Variants in MCC observed in about 807,000 individuals in gnomAD.
MCC encodes MCC regulator of Wnt signaling pathway.
Under a neutral mutation model 116.2 loss-of-function variants are expected in MCC, and 90 were observed. The observed-to-expected ratio is 0.77, with a 90% CI of 0.65 to 0.92. MCC has a LOEUF of 0.92. Ranked by LOEUF, MCC falls within the 40% of genes least tolerant of loss-of-function variation. The pLI, the probability that MCC is intolerant of heterozygous loss-of-function variation, is 0.00. For missense variants in MCC, 1,516 were observed against 1,312.2 expected, an observed-to-expected ratio of 1.16 and a Z score of -2.40; for synonymous variants, 578 against 510.5, an observed-to-expected ratio of 1.13 and a Z score of -1.78.
chr5:113,355,663 T>C (rs1768393096), intron 2 of MCC, among the ~76,000 whole-genome samples: 1 of 152,104 alleles, frequency 6.6e-6, no homozygotes, highest in Admixed American at 6.6e-5. Flanking sequence ...AGCAGCTACC[T>C]CTTGCTGTGT....
chr5:113,310,956 T>A (rs1250280977), intron 3 of MCC, among the ~76,000 whole-genome samples: 1 of 152,200 alleles, frequency 6.6e-6, no homozygotes, highest in African/African-American at 2.4e-5. Context: ...ACTAGAGATA[T>A]AATAGCAATT....
intron 1 of MCC, among the ~76,000 whole-genome samples, chr5:113,414,631 C>T (rs943844017): frequency 3.9e-5 from 6 of 152,104 alleles, no homozygotes; most frequent in African/African-American, 1.2e-4. Context: ...GATCTTCCTC[C>T]ATCCCTTTAT....
In MCC at chr5:113,068,198, A is replaced by G. The variant is rs760046723; in HGVS notation, c.1926-15T>C. On this transcript the variant is annotated splice_polypyrimidine_tract_variant and intron_variant, in intron 12 of 18. Coordinates refer to ENST00000408903, the MANE Select transcript of MCC (RefSeq NM_001085377.2). Reference sequence around the variant, plus strand: ...TGCACTGCTCGCTGAAACAAAGCACATGGGGCCTCAGCCCTTGCAGAGAAC... The same window carrying G: ...TGCACTGCTCGCTGAAACAAAGCACGTGGGGCCTCAGCCCTTGCAGAGAAC... The G allele has an allele frequency of 3.1e-6, 5 of 1,602,178 alleles. No homozygotes were observed. The highest frequency in any genetic ancestry group is 1.7e-5 in the Admixed American group (1 of 59,942).
chr5:113,422,483 G>A (rs1320192713), intron 1 of MCC, among the ~76,000 whole-genome samples: 2 of 152,180 alleles, frequency 1.3e-5, no homozygotes, highest in Non-Finnish European at 2.9e-5. Flanking sequence ...CAATGGTTAT[G>A]TTTAATAATG....
At chr5:113,302,368 T>G (rs1165817986) in intron 3 of MCC, among the ~76,000 whole-genome samples, 1 of 152,156 alleles carries the variant, frequency 6.6e-6, no homozygotes, top group Non-Finnish European at 1.5e-5. Context: ...AGAAAAACTC[T>G]GCATATTAAA....
chr5:113,341,839 T>TA (rs397798473), intron 2 of MCC, among the ~76,000 whole-genome samples: 1 of 151,948 alleles, frequency 6.6e-6, no homozygotes, highest in African/African-American at 2.4e-5. Context: ...AACTTTTTTT[T>TA]ACATGTTTTT....
intron 8 of MCC, among the ~76,000 whole-genome samples, chr5:113,100,739 C>T (rs56061109): frequency 0.066 from 10,069 of 152,046 alleles, 553 homozygotes; most frequent in African/African-American, 0.15. Flanking sequence ...CCAAAGTGCT[C>T]GGATTACAGG....
intron 3 of MCC, among the ~76,000 whole-genome samples, chr5:113,286,100 A>C (rs1461523974): frequency 6.6e-6 from 1 of 152,154 alleles, no homozygotes; most frequent in African/African-American, 2.4e-5. Context: ...GATCAACTTT[A>C]CTCTGTCTCT....
intron 1 of MCC, among the ~76,000 whole-genome samples, chr5:113,411,416 T>G: frequency 6.6e-6 from 1 of 152,210 alleles, no homozygotes; most frequent in Non-Finnish European, 1.5e-5. Flanking sequence ...TTTTGAGAAG[T>G]GTCTGTTCAT....
chr5:113,200,783 C>T (rs1039500655), intron 3 of MCC, among the ~76,000 whole-genome samples: 5 of 152,154 alleles, frequency 3.3e-5, no homozygotes, highest in Admixed American at 2.6e-4. Context: ...CAGATGGTGC[C>T]CAGGTGGCTA....
chr5:113,104,146 C>T (rs758772942), intron 7 of MCC, 46 bp downstream of exon 7: 3 of 1,529,416 alleles, frequency 2.0e-6, no homozygotes, highest in Non-Finnish European at 2.6e-6. Flanking sequence ...GGACCATTTC[C>T]CTTTCAGAAC....
chr5:113,432,913 C>T (rs950996601), intron 1 of MCC: 1 of 152,122 alleles, frequency 6.6e-6, no homozygotes, highest in African/African-American at 2.4e-5. Flanking sequence ...CAAATATTAT[C>T]GCTGCAAGGT....
intron 6 of MCC, among the ~76,000 whole-genome samples, chr5:113,122,362 C>T (rs1371625362): frequency 2.6e-5 from 4 of 152,200 alleles, no homozygotes; most frequent in African/African-American, 9.7e-5. Flanking sequence ...GCCCCCATCC[C>T]ATCCCTTCCC....
chr5:113,302,500 T>G (rs1034252516), intron 3 of MCC, among the ~76,000 whole-genome samples: 3 of 152,232 alleles, frequency 2.0e-5, no homozygotes, highest in Admixed American at 6.5e-5. Context: ...TATTCAGAAA[T>G]ATACTTTTTG....
intron 2 of MCC, among the ~76,000 whole-genome samples, chr5:113,376,574 T>TATAC (rs10633405): frequency 0.14 from 20,274 of 145,768 alleles, 1,790 homozygotes; most frequent in Admixed American, 0.27. Flanking sequence ...CCATATTTTA[T>TATAC]ACACACACAC....
intron 6 of MCC, among the ~76,000 whole-genome samples, chr5:113,112,452 G>C (rs190247345): frequency 6.6e-6 from 1 of 152,176 alleles, no homozygotes; most frequent in African/African-American, 2.4e-5. Flanking sequence ...GGCCATGTAA[G>C]ATGTGCTTGC....
chr5:113,190,451 A>C (rs1373170252), intron 3 of MCC, among the ~76,000 whole-genome samples: 1 of 152,206 alleles, frequency 6.6e-6, no homozygotes, highest in Non-Finnish European at 1.5e-5. Flanking sequence ...AGGAAGCTTT[A>C]AATGATGCAC....
intron 6 of MCC, among the ~76,000 whole-genome samples, chr5:113,119,566 T>C (rs1757614344): frequency 6.6e-6 from 1 of 152,198 alleles, no homozygotes; most frequent in Admixed American, 6.5e-5. Context: ...GACCGCCCTG[T>C]TGGCTGCGTG....
chr5:113,347,489 T>TA (rs1382965006), intron 2 of MCC, among the ~76,000 whole-genome samples: 1 of 152,012 alleles, frequency 6.6e-6, no homozygotes, highest in Non-Finnish European at 1.5e-5. Context: ...CCCTAAAACT[T>TA]AAAGTATAAT....
Sources: gnomAD v4.1 joint callset for allele counts (sites outside exome capture counted in the v4.1 genomes callset) on GRCh38, gnomAD v4.1.1 for gene constraint, MANE v1.5 for transcripts, NCBI Gene and HGNC (gene_info 2026-07-23, HGNC 2026-07-21) for gene names.